RGS6: variants seen among roughly 807,000 people sequenced by gnomAD.
RGS6 encodes regulator of G-protein signaling 6.
A neutral mutation model predicts 78.5 loss-of-function variants in RGS6; 30 were observed. The ratio of observed to expected loss-of-function variants is 0.38; its 90% CI spans 0.29 to 0.52. RGS6 has a LOEUF of 0.52. RGS6 is among the 20% of genes least tolerant of loss of function. RGS6 has a pLI of 0.85. For synonymous variants in RGS6, 206 were observed against 206.0 expected, an observed-to-expected ratio of 1.00 and a Z score of 0.00; for missense variants, 495 against 609.7, an observed-to-expected ratio of 0.81 and a Z score of 1.98.
chr14:72,460,188 A>G (rs1399027278), intron 6 of RGS6, among the ~76,000 whole-genome samples: 1 of 152,236 alleles, frequency 6.6e-6, no homozygotes, highest in Non-Finnish European at 1.5e-5. Context: ...GACTAGGAAA[A>G]TAGAGTGGGT....
intron 2 of RGS6, among the ~76,000 whole-genome samples, chr14:72,138,220 A>C (rs1462657571): frequency 6.6e-6 from 1 of 152,208 alleles, no homozygotes; most frequent in Admixed American, 6.5e-5. Flanking sequence ...TGTGAATGAC[A>C]ATATAAGCTA....
chr14:72,483,904 C>A (rs2096434273), intron 12 of RGS6, among the ~76,000 whole-genome samples: 1 of 151,990 alleles, frequency 6.6e-6, no homozygotes, highest in East Asian at 1.9e-4. Context: ...TGTGTTTTCT[C>A]TGGGTGACTT....
chr14:72,009,167 C>T (rs2085176624), intron 2 of RGS6, among the ~76,000 whole-genome samples: 1 of 152,244 alleles, frequency 6.6e-6, no homozygotes, highest in East Asian at 1.9e-4. Flanking sequence ...ACAACCTGGG[C>T]AACAGAGCAA....
intron 2 of RGS6, among the ~76,000 whole-genome samples, chr14:72,258,921 T>C (rs2057593604): frequency 6.6e-6 from 1 of 152,208 alleles, no homozygotes. Flanking sequence ...AATTTGCTTC[T>C]GTGCCCTCTA....
intron 2 of RGS6, among the ~76,000 whole-genome samples, chr14:72,071,348 G>T (rs927976888): frequency 1.3e-5 from 2 of 152,070 alleles, no homozygotes; most frequent in Non-Finnish European, 2.9e-5. Flanking sequence ...TTCCAGTTTT[G>T]CTGCTAAGAA....
At position 72,261,061 on chromosome 14, in the gene RGS6, G is replaced by A. The variant is rs1275449267; in HGVS notation, c.85-91034G>A. On this transcript the variant is annotated intron_variant, in intron 2 of 17. Transcript: ENST00000553525. ...AGAAGATGTGTGTTTTGGGGGAGGG[G>A]CTCACAAAAGGCTGGTCAAATGGTT... Among the ~76,000 whole-genome samples, 4 of 152,058 alleles carry A rather than the reference G, an allele frequency of 2.6e-5. No homozygotes were observed. The East Asian group carries it at 7.7e-4, about 29-fold the overall frequency.
intron 3 of RGS6, among the ~76,000 whole-genome samples, chr14:72,431,952 TA>T (rs2094666554): frequency 6.6e-6 from 1 of 152,134 alleles, no homozygotes; most frequent in Non-Finnish European, 1.5e-5. Context: ...GAGGGGAATT[TA>T]GGGGATATTG....
chr14:72,383,845 A>G (rs1483271135), intron 3 of RGS6, among the ~76,000 whole-genome samples: 9 of 152,172 alleles, frequency 5.9e-5, no homozygotes, highest in Admixed American at 5.9e-4. Flanking sequence ...ATAAAACTGA[A>G]CAAAATTTGA....
intron 2 of RGS6, among the ~76,000 whole-genome samples, chr14:72,274,419 C>T (rs554889268): frequency 1.3e-5 from 2 of 152,320 alleles, no homozygotes; most frequent in Admixed American, 1.3e-4. Context: ...TCAACCCGCA[C>T]CTCTGGCATC....
At chr14:71,948,738 C>G (rs941257407) in intron 1 of RGS6, among the ~76,000 whole-genome samples, 1 of 75,238 alleles carries the variant, frequency 1.3e-5, no homozygotes. Flanking sequence ...CTCTCTCTCT[C>G]TCTTTTTTTT....
At chr14:72,361,178 T>C (rs2081386740) in intron 3 of RGS6, among the ~76,000 whole-genome samples, 1 of 144,742 alleles carries the variant, frequency 6.9e-6, no homozygotes, top group Non-Finnish European at 1.5e-5. Flanking sequence ...CTTAGGATGA[T>C]TAATATTTTT....
chr14:72,501,344 C>T (rs1422505335), intron 13 of RGS6, among the ~76,000 whole-genome samples: 5 of 152,078 alleles, frequency 3.3e-5, no homozygotes, highest in African/African-American at 1.2e-4. Context: ...TTCTCCTTCT[C>T]AGACAAGCTA....
upstream of RGS6, among the ~76,000 whole-genome samples, chr14:71,930,126 T>C (rs1294456245): frequency 6.6e-6 from 1 of 151,856 alleles, no homozygotes; most frequent in Admixed American, 6.6e-5. Flanking sequence ...ACCTAGGAAA[T>C]ATATCACCAT....
intron 2 of RGS6, among the ~76,000 whole-genome samples, chr14:72,017,101 T>C (rs1356661493): frequency 1.3e-5 from 2 of 152,250 alleles, no homozygotes; most frequent in Admixed American, 6.5e-5. Flanking sequence ...GGTACAATCA[T>C]AGCTAACTGC....
intron 2 of RGS6, among the ~76,000 whole-genome samples, chr14:72,168,768 C>A (rs900648220): frequency 1.3e-5 from 2 of 152,206 alleles, no homozygotes; most frequent in African/African-American, 4.8e-5. Flanking sequence ...TAGGACACAT[C>A]TCCTGCTACC....
chr14:72,499,914 G>A (rs895684469), intron 13 of RGS6, among the ~76,000 whole-genome samples: 7 of 152,094 alleles, frequency 4.6e-5, no homozygotes, highest in East Asian at 1.9e-4. Flanking sequence ...TGATTTCAGC[G>A]CCTAGGCCTA....
At chr14:72,581,460 C>G in the RGS6 span, among the ~76,000 whole-genome samples, 1 of 152,158 alleles carries the variant, frequency 6.6e-6, no homozygotes, top group Admixed American at 6.5e-5. Flanking sequence ...CAATCCAGCC[C>G]TCTTCAATCT....
chr14:72,183,586 C>T (rs935514013), intron 2 of RGS6, among the ~76,000 whole-genome samples: 7 of 152,046 alleles, frequency 4.6e-5, no homozygotes, highest in African/African-American at 1.4e-4. Flanking sequence ...ATAAATAGTA[C>T]ATACATTTAC....
At chr14:72,465,578 A>T (rs534491125) in intron 6 of RGS6, among the ~76,000 whole-genome samples, 180 bp from the exon 7 acceptor site, 3 of 149,436 alleles carry the variant, frequency 2.0e-5, no homozygotes, top group Non-Finnish European at 1.5e-5. Flanking sequence ...GGATGGATGG[A>T]TGGATGGATG....
Sources: gnomAD v4.1 joint callset for allele counts (sites outside exome capture counted in the v4.1 genomes callset) on GRCh38, gnomAD v4.1.1 for gene constraint, MANE v1.5 for transcripts, NCBI Gene and HGNC (gene_info 2026-07-23, HGNC 2026-07-21) for gene names.